MYO9A: variants seen among roughly 807,000 people sequenced by gnomAD.
The protein encoded by MYO9A is myosin IXA, also known as unconventional myosin-IXa.
In MYO9A, 103 loss-of-function variants were observed where a neutral mutation model predicts 293.3. The ratio of observed to expected loss-of-function variants is 0.35; its 90% CI spans 0.30 to 0.41. The LOEUF is 0.41. MYO9A is among the 10% of genes least tolerant of loss of function. The pLI is 1.00. For missense variants in MYO9A, 2,685 were observed against 3,033.0 expected (o/e 0.89, Z 2.69); for synonymous variants, 1,001 against 1,035.7 (o/e 0.97, Z 0.64).
chr15:71,991,447 G>C (rs1480797439), intron 10 of MYO9A, among the ~76,000 whole-genome samples: 2 of 152,050 alleles, frequency 1.3e-5, no homozygotes, highest in African/African-American at 4.8e-5. Flanking sequence ...TATCCAAACT[G>C]TTAATACATA....
chr15:71,883,167 A>G (rs1216816442), intron 28 of MYO9A, among the ~76,000 whole-genome samples: 1 of 152,160 alleles, frequency 6.6e-6, no homozygotes, highest in Admixed American at 6.5e-5. Context: ...TAATCATACT[A>G]ACTCTCAAAA....
chr15:72,066,115 G>T (rs960779496), intron 1 of MYO9A, among the ~76,000 whole-genome samples: 4 of 152,218 alleles, frequency 2.6e-5, no homozygotes, highest in Non-Finnish European at 4.4e-5. Flanking sequence ...CAGCAGAGCT[G>T]TCCCAGCTGA....
intron 13 of MYO9A, among the ~76,000 whole-genome samples, chr15:71,965,615 G>GT (rs905410486): frequency 1.3e-5 from 2 of 152,110 alleles, no homozygotes; most frequent in African/African-American, 4.8e-5. Flanking sequence ...GCGTGGTGGA[G>GT]TACGCCTCTG....
At chr15:71,952,016 G>T in intron 14 of MYO9A, 120 bp from the exon 15 acceptor site, 1 of 1,074,694 alleles carries the variant, frequency 9.3e-7, no homozygotes, top group Non-Finnish European at 1.3e-6. Context: ...GTATAAAAAT[G>T]TATCAAATAA....
At chr15:72,079,099 C>A (rs189750910) in intron 1 of MYO9A, among the ~76,000 whole-genome samples, 1 of 152,132 alleles carries the variant, frequency 6.6e-6, no homozygotes, top group Admixed American at 6.5e-5. Context: ...GAGAGTGAAC[C>A]CTAAACTACA....
chr15:71,879,683 T>C (rs1481221376), intron 30 of MYO9A, 38 bp downstream of exon 30: 1 of 1,456,970 alleles, frequency 6.9e-7, no homozygotes, highest in Non-Finnish European at 9.6e-7. Flanking sequence ...TTTTCATATG[T>C]TGAACTACTA....
intron 19 of MYO9A, among the ~76,000 whole-genome samples, chr15:71,915,258 C>A (rs2057975400): frequency 1.3e-5 from 2 of 151,928 alleles, no homozygotes; most frequent in Admixed American, 6.6e-5. Context: ...GACAGACTTC[C>A]CCAAGCACTA....
chr15:71,842,915 A>ATGTGTG (rs55982936), intron 39 of MYO9A, among the ~76,000 whole-genome samples: 1 of 148,910 alleles, frequency 6.7e-6, no homozygotes, highest in African/African-American at 2.5e-5. Context: ...TTGTGTATGC[A>ATGTGTG]TGTGTGTGTG....
intron 1 of MYO9A, among the ~76,000 whole-genome samples, chr15:72,116,437 T>C (rs1219287483): frequency 6.6e-6 from 1 of 152,176 alleles, no homozygotes; most frequent in Non-Finnish European, 1.5e-5. Context: ...TATTCAACAT[T>C]TTACTGCTAT....
chr15:71,888,978 T>G (rs185251855), intron 26 of MYO9A, among the ~76,000 whole-genome samples: 1 of 152,096 alleles, frequency 6.6e-6, no homozygotes, highest in African/African-American at 2.4e-5. Context: ...CAGATACCCC[T>G]GAGAGATGGG....
intron 2 of MYO9A, 89 bp from the exon 3 acceptor site, chr15:72,032,677 C>CA (rs1408170801): frequency 2.7e-6 from 2 of 734,990 alleles, no homozygotes; most frequent in African/African-American, 3.7e-5. Flanking sequence ...TAGGTCAGCT[C>CA]AGAGACAAAA....
intron 13 of MYO9A, among the ~76,000 whole-genome samples, chr15:71,964,529 C>T (rs1444025422): frequency 1.3e-5 from 2 of 151,668 alleles, no homozygotes; most frequent in Non-Finnish European, 2.9e-5. Flanking sequence ...CATCTGTAAT[C>T]CCAGCACTTT....
At position 72,046,415 on chromosome 15, in the gene MYO9A, A is replaced by G. The variant is rs753639573; in HGVS notation, c.149T>C (p.Ile50Thr). 1.9e-6 allele frequency: 3 copies of G among 1,614,114 alleles called. No homozygotes were observed. The highest frequency in any genetic ancestry group is 1.7e-6 in the Non-Finnish European group (2 of 1,180,050). Residue 50 changes from isoleucine (I) to threonine (T), a missense_variant, in exon 2 of 42, where the codon ATA becomes ACA. By Grantham distance (89) the Ile-to-Thr change is moderately conservative. Transcript: ENST00000356056. ...TGTTTTGTCAAGATGAAGTTTGTTT[A>G]TAAGAGACTCAATCACCTCAGCAGC... is the stretch of plus-strand genomic sequence containing the variant. Reference protein sequence around the residue: ...STAAEVIESLINKLHLDKTKC... With the variant: ...STAAEVIESLTNKLHLDKTKC...
At chr15:72,103,397 C>CAGCAGCA (rs1223605590) in intron 1 of MYO9A, among the ~76,000 whole-genome samples, 45 of 141,658 alleles carry the variant, frequency 3.2e-4, no homozygotes, top group Middle Eastern at 4.0e-3. Context: ...GCAGCAGAAG[C>CAGCAGCA]AGCAGCAAGC....
At chr15:71,862,701 T>A in intron 32 of MYO9A, 90 bp from the exon 33 acceptor site, 1 of 739,706 alleles carries the variant, frequency 1.4e-6, no homozygotes, top group African/African-American at 1.8e-5. Flanking sequence ...TCTTGTTAAG[T>A]CTTCACTAGG....
intron 3 of MYO9A, among the ~76,000 whole-genome samples, chr15:72,029,449 T>C (rs911497953): frequency 6.6e-6 from 1 of 152,154 alleles, no homozygotes. Flanking sequence ...CTGAATACTA[T>C]AGGCAACTGT....
chr15:71,847,440 A>G (rs1295787759), intron 39 of MYO9A: 1 of 455,584 alleles, frequency 2.2e-6, no homozygotes, highest in African/African-American at 2.0e-5. Context: ...GGTAATGTTC[A>G]TGAATCTAAC....
At chr15:71,992,821 A>C (rs1325503207) in intron 10 of MYO9A, among the ~76,000 whole-genome samples, 1 of 151,540 alleles carries the variant, frequency 6.6e-6, no homozygotes, top group East Asian at 1.9e-4. Context: ...TAAAAATATA[A>C]GAATAAATAT....
At chr15:72,033,978 A>G (rs150265162) in intron 2 of MYO9A, among the ~76,000 whole-genome samples, 1,960 of 152,278 alleles carry the variant, frequency 0.013, 28 homozygotes, top group African/African-American at 0.02. Context: ...CCAAAATCCT[A>G]AAGTAGCCAT....
Sources: gnomAD v4.1 joint callset for allele counts (sites outside exome capture counted in the v4.1 genomes callset) on GRCh38, gnomAD v4.1.1 for gene constraint, MANE v1.5 for transcripts, NCBI Gene and HGNC (gene_info 2026-07-23, HGNC 2026-07-21) for gene names.